Variants in ASH1L observed in about 807,000 individuals in gnomAD.
ASH1L encodes the protein ASH1 like histone lysine methyltransferase.
ASH1L carries 23 observed loss-of-function variants against 269.0 expected under a neutral mutation model. That is an observed-to-expected ratio of 0.09 (90% CI 0.06 to 0.12). The LOEUF is 0.12. ASH1L is among the 10% of genes least tolerant of loss of function. The pLI is 1.00. For synonymous variants in ASH1L, 1,187 were observed against 1,253.5 expected (o/e 0.95, Z 1.12); for missense variants, 2,912 against 3,567.8 (o/e 0.82, Z 4.68).
intron 8 of ASH1L, 50 bp downstream of exon 8, chr1:155,379,993 T>G (rs746032978): frequency 3.7e-6 from 5 of 1,338,270 alleles, no homozygotes; most frequent in Admixed American, 3.5e-5. Flanking sequence ...TTTCCACCCC[T>G]CCCCCTTTAC....
rs552137899 is a variant in ASH1L, at chr1:155,502,778, C to T, written c.420+18322G>A. On this transcript the variant is annotated intron_variant, in intron 2 of 27. Transcript: ENST00000392403. ...CTTCCTTTCTCCTTGCACAGTGAAA[C>T]TTTTTTATCCTTTTTGCTTTTTATT... Among the ~76,000 whole-genome samples the T allele has an allele frequency of 1.1e-4, 17 of 152,152 alleles. No individual in the cohort carries two copies. The East Asian group carries it at 2.5e-3, about 22-fold the overall frequency.
chr1:155,501,653 T>C (rs771413863), intron 2 of ASH1L, among the ~76,000 whole-genome samples: 3 of 152,188 alleles, frequency 2.0e-5, no homozygotes, highest in Admixed American at 6.5e-5. Flanking sequence ...AATAGCAATC[T>C]ACAGATTGTT....
At chr1:155,493,870 T>A (rs1456047059) in intron 2 of ASH1L, among the ~76,000 whole-genome samples, 1 of 151,940 alleles carries the variant, frequency 6.6e-6, no homozygotes, top group Non-Finnish European at 1.5e-5. Context: ...CAAGACTCCA[T>A]CTCAAAAAAA....
intron 1 of ASH1L, among the ~76,000 whole-genome samples, chr1:155,555,951 G>T (rs1338640158): frequency 4.6e-5 from 7 of 152,190 alleles, no homozygotes; most frequent in African/African-American, 1.7e-4. Context: ...AAGCAAGAGG[G>T]GAAGGAGGGA....
At chr1:155,340,385 G>A (rs1206582377) in intron 25 of ASH1L, among the ~76,000 whole-genome samples, 1 of 152,010 alleles carries the variant, frequency 6.6e-6, no homozygotes, top group Non-Finnish European at 1.5e-5. Flanking sequence ...GTTTCACCAT[G>A]TCGACCAGGC....
chr1:155,451,210 A>G (rs1459483772), intron 4 of ASH1L, among the ~76,000 whole-genome samples: 1 of 151,580 alleles, frequency 6.6e-6, no homozygotes, highest in South Asian at 2.1e-4. Flanking sequence ...AAAAAAAAAA[A>G]AAAAGAAATA....
chr1:155,545,069 G>A (rs1028358006), intron 1 of ASH1L, among the ~76,000 whole-genome samples: 10 of 149,598 alleles, frequency 6.7e-5, no homozygotes, highest in African/African-American at 2.2e-4. Flanking sequence ...CTACTCGGGA[G>A]GCTGAGGCAG....
At chr1:155,357,451 T>A (rs1478223400) in intron 14 of ASH1L, 41 bp from the exon 15 acceptor site, 1 of 1,595,978 alleles carries the variant, frequency 6.3e-7, no homozygotes, top group Non-Finnish European at 8.6e-7. Flanking sequence ...TAAAAAAATA[T>A]CAGTCAGAAA....
rs559766241 is a variant in ASH1L, at chr1:155,518,515, G to A, written c.420+2585C>T. 8.6e-5 allele frequency among the ~76,000 whole-genome samples: 13 copies of A among 151,842 alleles called. 1 individual carries two copies. The South Asian group carries it at 2.7e-3, about 32-fold the overall frequency. On this transcript the variant is annotated intron_variant, in intron 2 of 27. Transcript: ENST00000392403. ...TATATACAGATTATATAAAGAACCTGGACAATTCAACAACAAAACACAATT... is the reference window on the plus strand; with the variant it reads ...TATATACAGATTATATAAAGAACCTAGACAATTCAACAACAAAACACAATT...
chr1:155,435,187 T>A (rs950521696), intron 5 of ASH1L, among the ~76,000 whole-genome samples: 3 of 152,164 alleles, frequency 2.0e-5, no homozygotes, highest in African/African-American at 7.2e-5. Context: ...AAACTTAGTG[T>A]ATGATAAATG....
chr1:155,509,320 C>T (rs776708045), intron 2 of ASH1L, among the ~76,000 whole-genome samples: 9 of 151,900 alleles, frequency 5.9e-5, no homozygotes, highest in African/African-American at 1.5e-4. Flanking sequence ...ATCACACCAC[C>T]GCACCACAGC....
chr1:155,486,256 C>T (rs1019975462), intron 2 of ASH1L, among the ~76,000 whole-genome samples: 2 of 152,104 alleles, frequency 1.3e-5, no homozygotes, highest in African/African-American at 4.8e-5. Flanking sequence ...ATAAAGGGAA[C>T]TATCTCTTCT....
At chr1:155,411,135 T>G (rs777825105) in intron 6 of ASH1L, among the ~76,000 whole-genome samples, 4 of 152,146 alleles carry the variant, frequency 2.6e-5, no homozygotes, top group Non-Finnish European at 4.4e-5. Flanking sequence ...ATATGAAAAC[T>G]CTGTACTTTC....
chr1:155,415,299 G>A (rs112428160), intron 6 of ASH1L, among the ~76,000 whole-genome samples: 1 of 150,668 alleles, frequency 6.6e-6, no homozygotes, highest in Middle Eastern at 3.4e-3. Flanking sequence ...GGAGAATGGC[G>A]TGAACCCCGG....
At chr1:155,350,064 T>C (rs1346953278) in intron 17 of ASH1L, among the ~76,000 whole-genome samples, 2 of 151,956 alleles carry the variant, frequency 1.3e-5, no homozygotes, top group African/African-American at 2.4e-5. Flanking sequence ...TAATTTTTTG[T>C]ATTTTTAGTA....
chr1:155,490,423 C>G (rs977608260), intron 2 of ASH1L, among the ~76,000 whole-genome samples: 1 of 150,954 alleles, frequency 6.6e-6, no homozygotes, highest in African/African-American at 2.4e-5. Context: ...ACCAGCTTGG[C>G]CAACATGGTG....
At chr1:155,465,725 TAAAC>T (rs1030655526) in intron 3 of ASH1L, among the ~76,000 whole-genome samples, 2 of 152,234 alleles carry the variant, frequency 1.3e-5, no homozygotes, top group South Asian at 2.1e-4. Context: ...GAATGTGTGT[TAAAC>T]AACGACTGAA....
At chr1:155,422,684 T>C (rs1402365788) in intron 5 of ASH1L, among the ~76,000 whole-genome samples, 1 of 151,042 alleles carries the variant, frequency 6.6e-6, no homozygotes, top group Non-Finnish European at 1.5e-5. Flanking sequence ...AGTTTTACTC[T>C]GCCGCTGAGG....
At chr1:155,393,690 G>T (rs1316378816) in intron 7 of ASH1L, among the ~76,000 whole-genome samples, 4 of 151,892 alleles carry the variant, frequency 2.6e-5, no homozygotes, top group African/African-American at 9.7e-5. Flanking sequence ...AAGTAGCTGG[G>T]ACTACAGGTG....
Sources: gnomAD v4.1 joint callset for allele counts (sites outside exome capture counted in the v4.1 genomes callset) on GRCh38, gnomAD v4.1.1 for gene constraint, MANE v1.5 for transcripts, NCBI Gene and HGNC (gene_info 2026-07-23, HGNC 2026-07-21) for gene names.